PPM1H: variants seen among roughly 807,000 people sequenced by gnomAD.
PPM1H encodes protein phosphatase 1H.
In PPM1H, 27 loss-of-function variants were observed where a neutral mutation model predicts 54.9. The observed-to-expected ratio is 0.49, with a 90% CI of 0.36 to 0.68. The LOEUF is 0.68. Among genes scored for constraint, PPM1H ranks in the 30% least tolerant of loss-of-function variants. PPM1H has a pLI of 0.00. For synonymous variants in PPM1H, 305 were observed against 270.8 expected, an observed-to-expected ratio of 1.13 and a Z score of -1.24; for missense variants, 596 against 667.8, an observed-to-expected ratio of 0.89 and a Z score of 1.19.
chr12:62,648,666 C>A, intron 9 of PPM1H, 30 bp from the exon 10 acceptor site: 1 of 1,610,772 alleles, frequency 6.2e-7, no homozygotes, highest in South Asian at 1.1e-5. Flanking sequence ...ACGAGACAGT[C>A]AGTAGAGCAT....
intron 4 of PPM1H, among the ~76,000 whole-genome samples, chr12:62,767,904 T>A (rs2076553792): frequency 1.3e-5 from 2 of 152,208 alleles, no homozygotes; most frequent in Admixed American, 1.3e-4. Flanking sequence ...AACTGGGTCA[T>A]CTTCCCTGTG....
At chr12:62,718,336 G>A (rs140667973) in intron 6 of PPM1H, among the ~76,000 whole-genome samples, 78 of 152,150 alleles carry the variant, frequency 5.1e-4, no homozygotes, top group African/African-American at 1.8e-3. Context: ...TTTAGGCCTC[G>A]AGACCTCACA....
intron 1 of PPM1H, among the ~76,000 whole-genome samples, chr12:62,900,501 A>AT (rs1871135107): frequency 6.6e-6 from 1 of 150,888 alleles, no homozygotes; most frequent in African/African-American, 2.4e-5. Flanking sequence ...AAACCTGCAC[A>AT]TTGTGCACAT....
intron 4 of PPM1H, among the ~76,000 whole-genome samples, chr12:62,762,584 G>A (rs2076515907): frequency 6.6e-6 from 1 of 152,218 alleles, no homozygotes; most frequent in African/African-American, 2.4e-5. Context: ...GCCATGTGGA[G>A]GGTGCTAGGG....
chr12:62,666,934 G>A lies in PPM1H; in HGVS notation c.1397+244C>T, dbSNP rs568222113. ...TCACCATGTTGGCCAGGCTGGTCTA[G>A]AACTCCTGACCTCATGATTCACCCG... On this transcript the variant is annotated intron_variant, in intron 9 of 9. Transcript: ENST00000228705. Among the ~76,000 whole-genome samples the A allele has an allele frequency of 4.5e-4, 68 of 152,226 alleles. 1 individual carries two copies. In the South Asian group the frequency reaches 5.4e-3, roughly 12 times the overall value.
rs562099973 is a variant in PPM1H, at chr12:62,649,941, A to G, written c.1398-1305T>C. ...TCATCAAGATAATAAATGTCACCGT[A>G]TAAGTCCTCTTGGAAGCCAGCCTGT... is the stretch of plus-strand genomic sequence containing the variant. On this transcript the variant is annotated intron_variant, in intron 9 of 9. Coordinates refer to ENST00000228705, the MANE Select transcript of PPM1H (RefSeq NM_020700.2). 3.9e-5 allele frequency among the ~76,000 whole-genome samples: 6 copies of G among 152,338 alleles called. No individual in the cohort carries two copies. The South Asian group carries it at 1.2e-3, about 32-fold the overall frequency.
chr12:62,858,111 C>T (rs986331336), intron 1 of PPM1H, among the ~76,000 whole-genome samples: 1 of 151,896 alleles, frequency 6.6e-6, no homozygotes, highest in Non-Finnish European at 1.5e-5. Context: ...CTACCACTCC[C>T]CAGATAATCT....
intron 3 of PPM1H, among the ~76,000 whole-genome samples, chr12:62,800,556 C>G (rs2076761750): frequency 6.6e-6 from 1 of 152,076 alleles, no homozygotes. Context: ...CCAGGCTGGT[C>G]TCGAACTCCT....
chr12:62,750,540 AT>A (rs1391679141), intron 4 of PPM1H, among the ~76,000 whole-genome samples: 2 of 152,088 alleles, frequency 1.3e-5, no homozygotes, highest in Admixed American at 6.5e-5. Context: ...TTGTGTTTCC[AT>A]TTTTTTTGAA....
At chr12:62,861,574 A>G (rs1422854279) in intron 1 of PPM1H, among the ~76,000 whole-genome samples, 1 of 152,234 alleles carries the variant, frequency 6.6e-6, no homozygotes, top group African/African-American at 2.4e-5. Flanking sequence ...ATATTCAAAT[A>G]CATGTCTTAT....
In PPM1H at chr12:62,843,382, C is replaced by T. The variant is rs7133658; in HGVS notation, c.246-11103G>A. Among the ~76,000 whole-genome samples, 319 of 152,290 alleles carry T rather than the reference C, an allele frequency of 2.1e-3. 2 individuals are homozygous for T. Among genetic ancestry groups the T allele is most frequent in the African/African-American group, 5.7e-3 (238 of 41,560 alleles). On this transcript the variant is annotated intron_variant, in intron 1 of 9. Coordinates refer to ENST00000228705, the MANE Select transcript of PPM1H (RefSeq NM_020700.2). ...TTTATACTTAACAACTTAATGCTTT[C>T]AACTGTAAACGTGAGAAAGGTGTTG...
At chr12:62,851,627 C>CG (rs1352433721) in intron 1 of PPM1H, among the ~76,000 whole-genome samples, 2 of 151,556 alleles carry the variant, frequency 1.3e-5, no homozygotes, top group Non-Finnish European at 2.9e-5. Flanking sequence ...CACTTGAACC[C>CG]GGGGGGTGAA....
At chr12:62,703,510 G>T (rs746484861) in intron 6 of PPM1H, among the ~76,000 whole-genome samples, 3 of 151,872 alleles carry the variant, frequency 2.0e-5, no homozygotes, top group Admixed American at 6.6e-5. Context: ...CACAGGGGCT[G>T]GTTGGGTTTG....
chr12:62,738,991 G>A (rs555286253), intron 4 of PPM1H, among the ~76,000 whole-genome samples: 329 of 151,848 alleles, frequency 2.2e-3, no homozygotes, highest in Non-Finnish European at 2.7e-3. Context: ...GGGTCGGGGC[G>A]GGGGCGGCGG....
chr12:62,914,425 G>T (rs1192038382), intron 1 of PPM1H, among the ~76,000 whole-genome samples: 1 of 152,180 alleles, frequency 6.6e-6, no homozygotes, highest in Non-Finnish European at 1.5e-5. Flanking sequence ...AAGACAAGGA[G>T]GGGAAGATTT....
chr12:62,727,117 G>A (rs1289092114), intron 5 of PPM1H, among the ~76,000 whole-genome samples: 1 of 152,000 alleles, frequency 6.6e-6, no homozygotes, highest in Non-Finnish European at 1.5e-5. Flanking sequence ...GTTTCACCAG[G>A]CTGGTCTAGA....
At chr12:62,777,782 A>G (rs2076619930) in intron 4 of PPM1H, among the ~76,000 whole-genome samples, 1 of 152,216 alleles carries the variant, frequency 6.6e-6, no homozygotes, top group South Asian at 2.1e-4. Context: ...CCACCAAAGA[A>G]CAGAAGTTGT....
intron 1 of PPM1H, among the ~76,000 whole-genome samples, chr12:62,919,919 TG>T (rs34580901): frequency 0.16 from 23,830 of 151,906 alleles, 2,122 homozygotes; most frequent in East Asian, 0.26. Flanking sequence ...GCTTCAAGTA[TG>T]GGGCCCATGT....
chr12:62,900,654 T>C (rs896267610), intron 1 of PPM1H, among the ~76,000 whole-genome samples: 1 of 150,776 alleles, frequency 6.6e-6, no homozygotes, highest in Non-Finnish European at 1.5e-5. Context: ...GAGGAGGTAC[T>C]AATATCTTCT....
Sources: gnomAD v4.1 joint callset for allele counts (sites outside exome capture counted in the v4.1 genomes callset) on GRCh38, gnomAD v4.1.1 for gene constraint, MANE v1.5 for transcripts, NCBI Gene and HGNC (gene_info 2026-07-23, HGNC 2026-07-21) for gene names.